Variants in MAML3 observed in about 807,000 individuals in gnomAD.
The protein encoded by MAML3 is mastermind-like protein 3.
In MAML3, 27 loss-of-function variants were observed where a neutral mutation model predicts 101.9. The observed-to-expected ratio is 0.27, with a 90% CI of 0.20 to 0.37. MAML3 has a LOEUF of 0.37. MAML3 is among the 10% of genes least tolerant of loss of function. MAML3 has a pLI of 1.00. For missense variants in MAML3, 1,316 were observed against 1,444.9 expected (o/e 0.91, Z 1.45); for synonymous variants, 501 against 555.9 (o/e 0.90, Z 1.39).
At position 139,864,939 on chromosome 4, in the gene MAML3, T is replaced by G. The variant is rs918787482; in HGVS notation, c.2079+24418A>C. 1.4e-4 allele frequency among the ~76,000 whole-genome samples: 20 copies of G among 143,862 alleles called. 2 individuals carry two copies. The highest frequency in any genetic ancestry group is 1.1e-3 in the South Asian group (5 of 4,508). 94.4% of individuals were successfully genotyped at this position (143,862 alleles called of 152,430 possible). On this transcript the variant is annotated intron_variant, in intron 2 of 4. Transcript: ENST00000509479. ...GCAAACTTGCTTTTTTTTTTTTTTT[T>G]TTTTTTTTTTTTTTGCCACAAAGCT...
intron 1 of MAML3, among the ~76,000 whole-genome samples, chr4:140,013,481 A>G (rs1350905001): frequency 6.6e-6 from 1 of 152,210 alleles, no homozygotes; most frequent in Non-Finnish European, 1.5e-5. Flanking sequence ...TATCTCTGAC[A>G]TGATACCACA....
intron 1 of MAML3, among the ~76,000 whole-genome samples, chr4:139,950,361 T>A (rs1162326076): frequency 6.6e-6 from 1 of 152,122 alleles, no homozygotes; most frequent in African/African-American, 2.4e-5. Context: ...TTAACTTGAA[T>A]TTCTAGCCTG....
At chr4:139,721,216 A>C (rs916685199) in intron 4 of MAML3, among the ~76,000 whole-genome samples, 1 of 152,342 alleles carries the variant, frequency 6.6e-6, no homozygotes, top group African/African-American at 2.4e-5. Context: ...GTCCATACCA[A>C]GTCATTCAAC....
intron 1 of MAML3, chr4:140,134,120 A>G (rs1728842909): frequency 6.6e-6 from 3 of 456,746 alleles, no homozygotes; most frequent in Non-Finnish European, 1.3e-5. Context: ...GCTCAGGGCA[A>G]GAAGAGTCAA....
intron 1 of MAML3, among the ~76,000 whole-genome samples, chr4:140,047,688 G>A (rs1201545389): frequency 6.6e-6 from 1 of 151,744 alleles, no homozygotes; most frequent in Non-Finnish European, 1.5e-5. Context: ...GCCCGCTCTT[G>A]GAGCTTGAGT....
chr4:139,817,095 A>G (rs986993247), intron 2 of MAML3, among the ~76,000 whole-genome samples: 2 of 152,128 alleles, frequency 1.3e-5, no homozygotes, highest in African/African-American at 2.4e-5. Flanking sequence ...ACTACCTTCA[A>G]TGGTGATCCA....
chr4:140,065,921 G>T (rs1190049228), intron 1 of MAML3, among the ~76,000 whole-genome samples: 1 of 152,140 alleles, frequency 6.6e-6, no homozygotes, highest in African/African-American at 2.4e-5. Context: ...ATAAATATCT[G>T]CTCCATGCAT....
chr4:139,772,204 C>T (rs1343645658), intron 2 of MAML3, among the ~76,000 whole-genome samples: 5 of 113,968 alleles, frequency 4.4e-5, no homozygotes, highest in Non-Finnish European at 6.7e-5. Flanking sequence ...CGCGCCACTG[C>T]ACTCCAGCCT....
intron 1 of MAML3, among the ~76,000 whole-genome samples, chr4:140,152,584 G>A (rs546296954): frequency 6.6e-6 from 1 of 151,946 alleles, no homozygotes; most frequent in South Asian, 2.1e-4. Flanking sequence ...ACCTCACTCC[G>A]ACGCTCCTCT....
intron 2 of MAML3, among the ~76,000 whole-genome samples, chr4:139,838,595 G>A (rs1284862135): frequency 2.0e-5 from 3 of 152,054 alleles, no homozygotes; most frequent in Non-Finnish European, 4.4e-5. Flanking sequence ...TTGCTGTTCA[G>A]GTCCCTGAAT....
intron 2 of MAML3, among the ~76,000 whole-genome samples, chr4:139,762,144 T>C (rs1179927861): frequency 6.6e-6 from 1 of 152,136 alleles, no homozygotes; most frequent in Non-Finnish European, 1.5e-5. Flanking sequence ...CTAGAAAATA[T>C]TTGTGCAATT....
At chr4:139,907,457 G>C (rs78839020) in intron 1 of MAML3, among the ~76,000 whole-genome samples, 1 of 152,148 alleles carries the variant, frequency 6.6e-6, no homozygotes, top group Admixed American at 6.5e-5. Context: ...CAGAGAACAA[G>C]AATTCATTAC....
At chr4:139,751,508 A>C (rs971354699) in intron 2 of MAML3, among the ~76,000 whole-genome samples, 2 of 152,258 alleles carry the variant, frequency 1.3e-5, no homozygotes. Flanking sequence ...GACCCATCAC[A>C]TGAGGTCAGG....
Position 139,745,804 on chromosome 4 carries a change from G to C in MAML3, c.2080-15137C>G, listed in dbSNP as rs182663651. On this transcript the variant is annotated intron_variant, in intron 2 of 4. Coordinates refer to ENST00000509479, the MANE Select transcript of MAML3 (RefSeq NM_018717.5). ...TAAACATACCACCTGGTTTTTGACA[G>C]GGAGTAGAACAGTAGGTATATACTG... Among the ~76,000 whole-genome samples the C allele has an allele frequency of 5.0e-4, 76 of 152,336 alleles. 1 individual carries two copies. In the Middle Eastern group the frequency reaches 0.01, roughly 20 times the overall value.
chr4:139,767,127 C>A (rs1729877341), intron 2 of MAML3, among the ~76,000 whole-genome samples: 1 of 152,228 alleles, frequency 6.6e-6, no homozygotes, highest in Non-Finnish European at 1.5e-5. Flanking sequence ...ATGAGCACCA[C>A]AACAACTTTC....
At chr4:139,793,674 C>G (rs1324961902) in intron 2 of MAML3, among the ~76,000 whole-genome samples, 1 of 152,194 alleles carries the variant, frequency 6.6e-6, no homozygotes, top group Non-Finnish European at 1.5e-5. Flanking sequence ...CCTAGGTTCA[C>G]CTGAGTTGAT....
intron 2 of MAML3, among the ~76,000 whole-genome samples, chr4:139,880,317 G>A (rs1578644355): frequency 6.6e-6 from 1 of 152,156 alleles, no homozygotes; most frequent in Non-Finnish European, 1.5e-5. Flanking sequence ...AATATGCCAG[G>A]ATGTACACGG....
intron 1 of MAML3, among the ~76,000 whole-genome samples, chr4:140,074,400 A>T (rs1431183715): frequency 6.6e-6 from 1 of 152,026 alleles, no homozygotes; most frequent in African/African-American, 2.4e-5. Flanking sequence ...ACCACAAATG[A>T]CCTCGGAAGG....
At chr4:139,985,080 A>C (rs1053155166) in intron 1 of MAML3, among the ~76,000 whole-genome samples, 1 of 152,240 alleles carries the variant, frequency 6.6e-6, no homozygotes, top group Non-Finnish European at 1.5e-5. Context: ...CCACTAGATT[A>C]TATTTTCCTA....
Sources: allele counts gnomAD v4.1 joint callset (sites outside exome capture counted in the v4.1 genomes callset), GRCh38; gene constraint gnomAD v4.1.1; transcripts MANE v1.5; gene names NCBI Gene and HGNC (gene_info 2026-07-23, HGNC 2026-07-21).